The following PDE1C variants were observed in gnomAD, a reference collection of about 807,000 sequenced individuals.
PDE1C encodes phosphodiesterase 1C, also known as dual specificity calcium/calmodulin-dependent 3',5'-cyclic nucleotide phosphodiesterase 1C.
In PDE1C, 62 loss-of-function variants were observed where a neutral mutation model predicts 93.1. The observed-to-expected ratio is 0.67, with a 90% CI of 0.54 to 0.82. The LOEUF (loss-of-function observed/expected upper bound fraction) is 0.82. Ranked by LOEUF, PDE1C falls within the 40% of genes least tolerant of loss-of-function variation. The pLI is 0.00. For synonymous variants in PDE1C, 325 were observed against 310.1 expected, an observed-to-expected ratio of 1.05 and a Z score of -0.50; for missense variants, 742 against 884.6, an observed-to-expected ratio of 0.84 and a Z score of 2.04.
chr7:32,209,246 A>G (rs1294892995), intron 2 of PDE1C, among the ~76,000 whole-genome samples: 1 of 152,178 alleles, frequency 6.6e-6, no homozygotes, highest in African/African-American at 2.4e-5. Flanking sequence ...TCTGAGGACC[A>G]TACTTGGAAT....
chr7:31,764,777 TCC>T (rs1392199052), intron 17 of PDE1C, among the ~76,000 whole-genome samples: 1 of 152,186 alleles, frequency 6.6e-6, no homozygotes, highest in Non-Finnish European at 1.5e-5. Context: ...AGTATATGCA[TCC>T]CCAGAACTTA....
chr7:32,075,195 G>A (rs969721248), upstream of PDE1C, among the ~76,000 whole-genome samples: 2 of 152,180 alleles, frequency 1.3e-5, no homozygotes, highest in Non-Finnish European at 2.9e-5. Flanking sequence ...AGGAAAATAG[G>A]CAAATCAGAA....
chr7:31,721,413 G>T, the PDE1C span, among the ~76,000 whole-genome samples: 1 of 152,192 alleles, frequency 6.6e-6, no homozygotes, highest in African/African-American at 2.4e-5. Context: ...AATGTGGCTA[G>T]TGAGACCAAG....
intron 1 of PDE1C, among the ~76,000 whole-genome samples, chr7:32,426,547 T>G (rs2128101006): frequency 1.3e-5 from 2 of 152,252 alleles, no homozygotes; most frequent in South Asian, 4.2e-4. Context: ...TCACTGCACC[T>G]GGCTGTACTC....
chr7:32,391,031 A>G (rs1296562105), intron 1 of PDE1C, among the ~76,000 whole-genome samples: 5 of 152,050 alleles, frequency 3.3e-5, no homozygotes, highest in African/African-American at 7.2e-5. Context: ...CACAAATCCA[A>G]CCCTATCAAT....
At chr7:31,828,481 A>G in intron 11 of PDE1C, 108 bp from the exon 12 acceptor site, 1 of 666,928 alleles carries the variant, frequency 1.5e-6, no homozygotes, top group Non-Finnish European at 2.6e-6. Context: ...TATTTTAATT[A>G]TTACAATTAC....
chr7:31,709,416 T>C, the PDE1C span, among the ~76,000 whole-genome samples: 1 of 152,206 alleles, frequency 6.6e-6, no homozygotes, highest in Admixed American at 6.5e-5. Flanking sequence ...TAAGCTAAAA[T>C]GCTCAATCCA....
intron 15 of PDE1C, among the ~76,000 whole-genome samples, chr7:31,815,375 C>T (rs780706073): frequency 1.8e-4 from 27 of 152,232 alleles, no homozygotes; most frequent in Admixed American, 3.9e-4. Flanking sequence ...ACTATATGCA[C>T]ACTATGGTGA....
At chr7:32,162,606 G>C (rs539624718) in intron 3 of PDE1C, among the ~76,000 whole-genome samples, 2 of 152,234 alleles carry the variant, frequency 1.3e-5, no homozygotes, top group African/African-American at 2.4e-5. Flanking sequence ...TAGTGAGTCT[G>C]AACACCAAAG....
intron 2 of PDE1C, among the ~76,000 whole-genome samples, chr7:31,974,362 T>A (rs1046396376): frequency 6.6e-6 from 1 of 152,216 alleles, no homozygotes; most frequent in South Asian, 2.1e-4. Flanking sequence ...AATTTTAACA[T>A]GGCACAGGTT....
intron 6 of PDE1C, among the ~76,000 whole-genome samples, chr7:31,868,588 C>G (rs1214384830): frequency 6.6e-6 from 1 of 151,962 alleles, no homozygotes; most frequent in Non-Finnish European, 1.5e-5. Flanking sequence ...TCAGGGTCCC[C>G]AAAAGCAAAG....
At chr7:32,231,224 G>C (rs1422943509) in intron 1 of PDE1C, among the ~76,000 whole-genome samples, 1 of 152,104 alleles carries the variant, frequency 6.6e-6, no homozygotes, top group African/African-American at 2.4e-5. Context: ...ACAACAGAGA[G>C]TTCACTGGTT....
At chr7:32,109,097 G>A (rs905421318) in intron 3 of PDE1C, among the ~76,000 whole-genome samples, 7 of 152,064 alleles carry the variant, frequency 4.6e-5, no homozygotes, top group African/African-American at 2.4e-5. Flanking sequence ...TTTACTGAGG[G>A]CCCACCCTTC....
intron 2 of PDE1C, among the ~76,000 whole-genome samples, chr7:32,197,506 A>G (rs1337147836): frequency 6.6e-6 from 1 of 152,222 alleles, no homozygotes; most frequent in African/African-American, 2.4e-5. Context: ...ACAAATATCC[A>G]TAGCAACATT....
chr7:31,689,726 C>T, the PDE1C span, among the ~76,000 whole-genome samples: 2 of 152,160 alleles, frequency 1.3e-5, no homozygotes, highest in South Asian at 4.1e-4. Context: ...TCTTTCCCCT[C>T]CACTTGCTTG....
chr7:32,065,063 G>T (rs1795235228), intron 1 of PDE1C, among the ~76,000 whole-genome samples: 1 of 142,882 alleles, frequency 7.0e-6, no homozygotes, highest in Non-Finnish European at 1.5e-5. Flanking sequence ...GGGGGGGGGG[G>T]GAGGAGCCGG....
intron 2 of PDE1C, among the ~76,000 whole-genome samples, chr7:32,208,447 T>C (rs1429756777): frequency 6.6e-6 from 1 of 151,936 alleles, no homozygotes; most frequent in South Asian, 2.1e-4. Flanking sequence ...AGCTACTAAG[T>C]CTTTTTGTAG....
exon 1 of PDE1C, chr7:32,299,317 A>C: frequency 1.0e-6 from 1 of 985,726 alleles, no homozygotes; most frequent in Non-Finnish European, 1.2e-6. Flanking sequence ...AGTTTACTCC[A>C]AACAAGGAAG....
chr7:32,261,513 G>A (rs1325081404), intron 1 of PDE1C, among the ~76,000 whole-genome samples: 1 of 152,170 alleles, frequency 6.6e-6, no homozygotes, highest in Non-Finnish European at 1.5e-5. Flanking sequence ...AGCTCTGCGT[G>A]AATTACTCTT....
Sources: allele counts gnomAD v4.1 joint callset (sites outside exome capture counted in the v4.1 genomes callset), GRCh38; gene constraint gnomAD v4.1.1; transcripts MANE v1.5; gene names NCBI Gene and HGNC (gene_info 2026-07-23, HGNC 2026-07-21).